IFNLR1: variants seen among roughly 807,000 people sequenced by gnomAD.
IFNLR1 encodes CRF2-12.
In IFNLR1, 28 loss-of-function variants were observed where a neutral mutation model predicts 52.5. That is an observed-to-expected ratio of 0.53 (90% CI 0.40 to 0.73). The LOEUF (loss-of-function observed/expected upper bound fraction) is 0.73, where lower values mean the gene tolerates loss of function less well. Among genes scored for constraint, IFNLR1 ranks in the 30% least tolerant of loss-of-function variants. The pLI is 0.00. For synonymous variants in IFNLR1, 276 were observed against 274.9 expected (o/e 1.00, Z -0.04); for missense variants, 623 against 659.1 (o/e 0.95, Z 0.60).
At position 24,154,374 on chromosome 1, in the gene IFNLR1, G is replaced by A. The variant is rs10903032; in HGVS notation, c.*2756C>T. 0.54 allele frequency: 81,877 copies of A among 152,092 alleles called. 22,321 individuals carry two copies. The highest frequency in any genetic ancestry group is 0.57 in the Admixed American group (8,731 of 15,282). 9.4% of individuals were successfully genotyped at this position (152,092 alleles called of 1,614,324 possible). ...ACTTTTCACGGGATATGCTTCCAGCGCAGGCCCAGCCCACACCGCGCAGTT... is the reference window on the plus strand; with the variant it reads ...ACTTTTCACGGGATATGCTTCCAGCACAGGCCCAGCCCACACCGCGCAGTT... On this transcript the variant is annotated 3_prime_UTR_variant, in exon 7 of 7. Coordinates refer to ENST00000327535, the MANE Select transcript of IFNLR1 (RefSeq NM_170743.4).
intron 2 of IFNLR1, 78 bp downstream of exon 2, chr1:24,180,653 G>C (rs575101594): frequency 7.1e-7 from 1 of 1,412,694 alleles, no homozygotes. Context: ...ACTGGGTGCA[G>C]CTGTCCCAGA....
intron 6 of IFNLR1, among the ~76,000 whole-genome samples, chr1:24,158,141 C>T (rs753432730): frequency 1.3e-5 from 2 of 152,298 alleles, no homozygotes; most frequent in African/African-American, 2.4e-5. Flanking sequence ...ACTGGGCACA[C>T]GCACCTCAGA....
At chr1:24,180,169 T>G (rs1644674047) in intron 2 of IFNLR1, among the ~76,000 whole-genome samples, 1 of 151,966 alleles carries the variant, frequency 6.6e-6, no homozygotes. Context: ...TGGTGGCATA[T>G]GCCTGTAATC....
Position 24,157,296 on chromosome 1 carries a change from G to A in IFNLR1, c.1397C>T (p.Pro466Leu), listed in dbSNP as rs767855619. The A allele has an allele frequency of 3.7e-6, 6 of 1,614,038 alleles. No individual in the cohort carries two copies. The African/African-American group carries it at 8.0e-5, about 22-fold the overall frequency. Residue 466 changes from proline to leucine, a missense_variant, in exon 7 of 7, where the codon CCA becomes CTA. Pro to Leu is a moderately conservative substitution (Grantham distance 98). Transcript: ENST00000327535. This position sits in a 1 kb window ranked among gnomAD's most constrained non-coding sequence, Gnocchi z 5.1. ...PEPNLVPGGP[P>L]VSLQTLTFCW... The stretch of plus-strand genomic sequence containing the variant: ...GAAGGTCAGTGTCTGAAGAGAAACT[G>A]GGGGTCCCCCAGGGACCAGATTCGG...
chr1:24,159,743 T>G (rs1043975569), intron 4 of IFNLR1, 110 bp from the exon 5 acceptor site: 14 of 936,342 alleles, frequency 1.5e-5, no homozygotes, highest in Middle Eastern at 3.1e-4. Flanking sequence ...TTTTGTTTTT[T>G]TTTTTTGTTT....
Position 24,155,946 on chromosome 1 carries a change from T to G in IFNLR1, c.*1184A>C, listed in dbSNP as rs1015690327. The G allele has an allele frequency of 5.3e-5, 8 of 152,198 alleles. No individual in the cohort carries two copies. The highest frequency in any genetic ancestry group is 1.4e-4 in the African/African-American group (6 of 41,438). 9.4% of individuals were successfully genotyped at this position (152,198 alleles called of 1,614,324 possible). On this transcript the variant is annotated 3_prime_UTR_variant, in exon 7 of 7. Coordinates refer to ENST00000327535, the MANE Select transcript of IFNLR1 (RefSeq NM_170743.4). ...GAATCTAGAAGGCATTGGTTTCTCA[T>G]AACTGGAAGGGAGAATGGGACTTCT... is the stretch of plus-strand genomic sequence containing the variant.
chr1:24,174,389 G>A (rs893477637), intron 2 of IFNLR1, among the ~76,000 whole-genome samples: 1 of 152,244 alleles, frequency 6.6e-6, no homozygotes, highest in African/African-American at 2.4e-5. Flanking sequence ...AAATGTGGAA[G>A]TGGCTTTGGA....
intron 1 of IFNLR1, among the ~76,000 whole-genome samples, chr1:24,184,935 C>T (rs946047234): frequency 1.3e-5 from 2 of 152,162 alleles, no homozygotes; most frequent in Non-Finnish European, 2.9e-5. Context: ...ACGAGAATTG[C>T]TTGAACCCGA....
At chr1:24,180,676 G>GCCCCCCCCCCCCCCCCCC in intron 2 of IFNLR1, 55 bp downstream of exon 2, 2 of 455,866 alleles carry the variant, frequency 4.4e-6, no homozygotes, top group South Asian at 1.8e-5. Context: ...AGCCCCTCCA[G>GCCCCCCCCCCCCCCCCCC]CCCCCACCCA....
At chr1:24,169,624 T>C (rs1216579442) in intron 2 of IFNLR1, 23 bp from the exon 3 acceptor site, 4 of 1,605,686 alleles carry the variant, frequency 2.5e-6, no homozygotes, top group Non-Finnish European at 3.4e-6. Flanking sequence ...AGAGGAGAGC[T>C]TGGGCCATGG....
chr1:24,181,253 G>A (rs2148603356), intron 1 of IFNLR1, among the ~76,000 whole-genome samples: 1 of 152,296 alleles, frequency 6.6e-6, no homozygotes, highest in South Asian at 2.1e-4. Flanking sequence ...CAATAACATG[G>A]GTTACACCAA....
intron 2 of IFNLR1, among the ~76,000 whole-genome samples, chr1:24,177,639 T>A (rs1278564890): frequency 1.3e-5 from 2 of 152,160 alleles, no homozygotes; most frequent in African/African-American, 4.8e-5. Context: ...CTGACTCAAA[T>A]GTCAGTCTCC....
intron 3 of IFNLR1, among the ~76,000 whole-genome samples, chr1:24,166,227 C>T (rs1644518497): frequency 6.6e-6 from 1 of 150,522 alleles, no homozygotes. Flanking sequence ...CCTTCCCAAC[C>T]ACCCTTTCTT....
intron 3 of IFNLR1, among the ~76,000 whole-genome samples, chr1:24,162,216 T>TGGCTGACA (rs1644451936): frequency 6.6e-6 from 1 of 152,218 alleles, no homozygotes; most frequent in Non-Finnish European, 1.5e-5. Context: ...TAGTTCTTTG[T>TGGCTGACA]GGCTGTAGGG....
chr1:24,171,556 A>G (rs1267836818), intron 2 of IFNLR1, among the ~76,000 whole-genome samples: 1 of 151,928 alleles, frequency 6.6e-6, no homozygotes, highest in African/African-American at 2.4e-5. Context: ...TGGCACAAAC[A>G]TAGCTCACTG....
chr1:24,180,886 A>G (rs111892294), intron 1 of IFNLR1, 32 bp from the exon 2 acceptor site: 28 of 1,606,114 alleles, frequency 1.7e-5, no homozygotes, highest in Non-Finnish European at 1.7e-6. Flanking sequence ...TGAAGCCTGG[A>G]GCTCCTGGCT....
At chr1:24,180,676 G>GGCCC in intron 2 of IFNLR1, 55 bp downstream of exon 2, 3 of 455,866 alleles carry the variant, frequency 6.6e-6, no homozygotes, top group East Asian at 6.4e-5. Context: ...AGCCCCTCCA[G>GGCCC]CCCCCACCCA....
chr1:24,161,323 A>C (rs1207589508), intron 4 of IFNLR1: 6 of 609,502 alleles, frequency 9.8e-6, no homozygotes, highest in Non-Finnish European at 1.2e-5. Flanking sequence ...TGTATTTTTC[A>C]GTTTTTCTGT....
chr1:24,181,060 G>A (rs1260568865), intron 1 of IFNLR1, among the ~76,000 whole-genome samples: 3 of 152,156 alleles, frequency 2.0e-5, no homozygotes, highest in Admixed American at 2.0e-4. Flanking sequence ...TCTGGGACCG[G>A]AGGGTTCCAG....
Sources: allele counts gnomAD v4.1 joint callset (sites outside exome capture counted in the v4.1 genomes callset), GRCh38; gene constraint gnomAD v4.1.1; non-coding constraint Gnocchi (gnomAD v3.1); transcripts MANE v1.5; gene names NCBI Gene and HGNC (gene_info 2026-07-23, HGNC 2026-07-21).